Variants in TDRD5 observed in about 807,000 individuals in gnomAD.
TDRD5 encodes tudor domain containing 5.
In TDRD5, 41 loss-of-function variants were observed where a neutral mutation model predicts 120.6. The ratio of observed to expected loss-of-function variants is 0.34; its 90% CI spans 0.26 to 0.44. TDRD5 has a LOEUF of 0.44. Among genes scored for constraint, TDRD5 ranks in the 20% least tolerant of loss-of-function variants. TDRD5 has a pLI of 1.00. For synonymous variants in TDRD5, 430 were observed against 433.7 expected, an observed-to-expected ratio of 0.99 and a Z score of 0.11; for missense variants, 1,006 against 1,221.2, an observed-to-expected ratio of 0.82 and a Z score of 2.63.
At chr1:179,685,617 A>T (rs1320324572) in intron 17 of TDRD5, among the ~76,000 whole-genome samples, 1 of 152,184 alleles carries the variant, frequency 6.6e-6, no homozygotes, top group Admixed American at 6.5e-5. Context: ...CATTGACTCT[A>T]TAAATTACCT....
rs1189544827 is a variant in TDRD5, at chr1:179,638,919, A to T, written c.1521-920A>T. Among the ~76,000 whole-genome samples, 2 of 64,504 alleles carry T rather than the reference A, an allele frequency of 3.1e-5. 1 individual carries two copies. The highest frequency in any genetic ancestry group is 7.4e-5 in the Non-Finnish European group (2 of 27,116). 42.3% of individuals were successfully genotyped at this position (64,504 alleles called of 152,430 possible). On this transcript the variant is annotated intron_variant, in intron 9 of 17. Coordinates refer to ENST00000444136, the MANE Select transcript of TDRD5 (RefSeq NM_001199085.3). ...CAGGAGAGCTTGGGAAACCTGAATG[A>T]CCATTTACCCAGTTAAAATTTGGGG... is the stretch of plus-strand genomic sequence containing the variant.
chr1:179,616,696 A>G (rs1159765174), intron 4 of TDRD5, among the ~76,000 whole-genome samples: 5 of 151,866 alleles, frequency 3.3e-5, no homozygotes, highest in Admixed American at 2.0e-4. Context: ...ATTTTATTCA[A>G]TTTTCTTTAT....
intron 5 of TDRD5, among the ~76,000 whole-genome samples, chr1:179,618,943 GACAA>G (rs1233361123): frequency 6.6e-6 from 1 of 152,008 alleles, no homozygotes; most frequent in Non-Finnish European, 1.5e-5. Flanking sequence ...GATCACTGTT[GACAA>G]ACAGTTCAAG....
At position 179,685,192 on chromosome 1, in the gene TDRD5, C is replaced by A. The variant is rs557403579; in HGVS notation, c.2861-5504C>A. ...ATGGTTTTAGGTCAAATATTTAAGT[C>A]TTTAATCCATCTTGAATTAGTTTTT... On this transcript the variant is annotated intron_variant, in intron 17 of 17. Transcript: ENST00000444136. 6.6e-5 allele frequency among the ~76,000 whole-genome samples: 10 copies of A among 152,278 alleles called. No individual in the cohort carries two copies. The East Asian group carries it at 1.9e-3, about 29-fold the overall frequency.
At chr1:179,679,141 T>C (rs528719130) in intron 17 of TDRD5, among the ~76,000 whole-genome samples, 1 of 152,322 alleles carries the variant, frequency 6.6e-6, no homozygotes, top group Non-Finnish European at 1.5e-5. Flanking sequence ...CTTGTTTTAA[T>C]TGACTGTTTA....
rs1021735321 is a variant in TDRD5 at position 179,640,243 on chromosome 1, A to C, written c.1734-136A>C. 22 of 1,108,050 alleles carry C rather than the reference A, an allele frequency of 2.0e-5. No homozygotes were observed. In the African/African-American group the frequency reaches 2.5e-4, roughly 13 times the overall value. The allele number at this position is 1,108,050 out of a possible 1,614,324, so 68.6% of individuals were successfully genotyped here. A position where few individuals can be genotyped will look rare whatever the true frequency, so the allele number is the denominator to read the frequency against. ...TTGTAACTCTTGTGTTATCTTTTAC[A>C]TGACACTGAATTTTGAATGGACGAT... On this transcript the variant is annotated intron_variant, in intron 10 of 17. Transcript: ENST00000444136.
chr1:179,658,294 AT>A (rs1357007026), intron 14 of TDRD5, among the ~76,000 whole-genome samples: 1 of 152,132 alleles, frequency 6.6e-6, no homozygotes, highest in Non-Finnish European at 1.5e-5. Flanking sequence ...TCGCTCATCT[AT>A]TTTCTGGAAA....
chr1:179,610,295 TTTC>T (rs936095668), intron 4 of TDRD5, among the ~76,000 whole-genome samples: 2 of 152,210 alleles, frequency 1.3e-5, no homozygotes, highest in African/African-American at 2.4e-5. Context: ...ATTATTTTGA[TTTC>T]TTTTGACATT....
At chr1:179,600,432 G>A (rs561029859) in intron 4 of TDRD5, among the ~76,000 whole-genome samples, 1 of 152,264 alleles carries the variant, frequency 6.6e-6, no homozygotes, top group South Asian at 2.1e-4. Flanking sequence ...GGAGCAATAA[G>A]CTGTACCATA....
chr1:179,639,770 TA>T, intron 9 of TDRD5, 68 bp from the exon 10 acceptor site: 1 of 1,527,386 alleles, frequency 6.5e-7, no homozygotes, highest in South Asian at 1.2e-5. Flanking sequence ...TCTGGCTTGA[TA>T]CATTGATAAA....
At chr1:179,642,343 G>A (rs1340775289) in intron 11 of TDRD5, among the ~76,000 whole-genome samples, 9 of 151,882 alleles carry the variant, frequency 5.9e-5, no homozygotes, top group Admixed American at 3.9e-4. Context: ...CAAGTGATCC[G>A]CCCACCTCGG....
chr1:179,687,999 A>G (rs1442593777), intron 17 of TDRD5, among the ~76,000 whole-genome samples: 1 of 151,446 alleles, frequency 6.6e-6, no homozygotes, highest in East Asian at 1.9e-4. Context: ...TCTTTATCCA[A>G]TTTGCTAGTC....
chr1:179,592,729 G>A lies in TDRD5; in HGVS notation c.114G>A (p.Met38Ile). The A allele has an allele frequency of 6.2e-7, 1 of 1,614,070 alleles. No homozygotes were observed. The highest frequency in any genetic ancestry group is 8.5e-7 in the Non-Finnish European group (1 of 1,180,020). The change falls in exon 2 of 18, where the codon ATG (methionine) becomes ATA (isoleucine). Residue 38 changes from methionine to isoleucine, a missense_variant. Physicochemically the swap from Met to Ile is conservative, Grantham distance 10. Coordinates refer to ENST00000444136, the MANE Select transcript of TDRD5 (RefSeq NM_001199085.3). ...PQELEKEYLL[M>I]VGNHLPLRIL... ...AGTTGGAGAAGGAGTACCTTTTGAT[G>A]GTTGGCAACCATCTACCACTCCGAA...
At chr1:179,651,132 T>C (rs960723407) in intron 12 of TDRD5, 65 bp downstream of exon 12, 1 of 1,520,446 alleles carries the variant, frequency 6.6e-7, no homozygotes, top group Non-Finnish European at 8.9e-7. Flanking sequence ...AGGTATAAGA[T>C]AATTTAATAA....
intron 17 of TDRD5, among the ~76,000 whole-genome samples, chr1:179,685,238 A>G (rs2147818581): frequency 6.6e-6 from 1 of 152,286 alleles, no homozygotes; most frequent in South Asian, 2.1e-4. Flanking sequence ...TAAGGAAGGG[A>G]TCCAGTTTCA....
intron 4 of TDRD5, among the ~76,000 whole-genome samples, chr1:179,606,048 A>C (rs1234583661): frequency 6.6e-6 from 1 of 151,972 alleles, no homozygotes; most frequent in Non-Finnish European, 1.5e-5. Context: ...ACCATTTTGC[A>C]TTCTCACCAG....
chr1:179,628,110 C>T (rs1020995984), intron 6 of TDRD5, among the ~76,000 whole-genome samples: 2 of 152,062 alleles, frequency 1.3e-5, no homozygotes, highest in Admixed American at 6.5e-5. Context: ...TGGGGATATT[C>T]ATTATGCTAA....
chr1:179,607,868 T>G (rs1676063113), intron 4 of TDRD5, among the ~76,000 whole-genome samples: 1 of 152,024 alleles, frequency 6.6e-6, no homozygotes, highest in African/African-American at 2.4e-5. Flanking sequence ...ACTTGTTTAC[T>G]TACACTTATT....
Position 179,663,442 on chromosome 1 carries a change from A to G in TDRD5, c.2600A>G (p.Glu867Gly), listed in dbSNP as rs1679412577. The stretch of plus-strand genomic sequence containing the variant: ...ACGAAAGTAGAAGTTCATAAGCCAG[A>G]AGTACTGGGTGCTCAGGAAAAAAAT... ...NGTKVEVHKP[E>G]VLGAQEKNTG... The change falls in exon 16 of 18, where the codon GAA becomes GGA. Residue 867 changes from glutamate (E) to glycine (G), a missense_variant. Glu to Gly is a moderately conservative substitution (Grantham distance 98). This residue lies in a region of TDRD5 where 403 missense variants were observed against 448.1 expected (regional missense o/e 0.90). Coordinates refer to ENST00000444136, the MANE Select transcript of TDRD5 (RefSeq NM_001199085.3). The G allele has an allele frequency of 1.2e-6, 2 of 1,613,690 alleles. No individual in the cohort carries two copies. The highest frequency in any genetic ancestry group is 1.7e-6 in the Non-Finnish European group (2 of 1,179,884).
Sources: allele counts gnomAD v4.1 joint callset (sites outside exome capture counted in the v4.1 genomes callset), GRCh38; gene constraint gnomAD v4.1.1; regional missense constraint gnomAD v4.1.1; transcripts MANE v1.5; gene names NCBI Gene and HGNC (gene_info 2026-07-23, HGNC 2026-07-21).